Variants in TAFA1 observed in about 807,000 individuals in gnomAD.
TAFA1 encodes the protein TAFA chemokine like family member 1.
A neutral mutation model predicts 18.5 loss-of-function variants in TAFA1; 4 were observed. That is an observed-to-expected ratio of 0.22 (90% CI 0.11 to 0.49). The LOEUF (loss-of-function observed/expected upper bound fraction) is 0.49, where lower values mean the gene tolerates loss of function less well. TAFA1 is among the 20% of genes least tolerant of loss of function. TAFA1 has a pLI of 0.98. For missense variants in TAFA1, 147 were observed against 169.0 expected (o/e 0.87, Z 0.72); for synonymous variants, 56 against 55.2 (o/e 1.01, Z -0.06).
chr3:68,138,776 A>T (rs529110356), intron 2 of TAFA1, among the ~76,000 whole-genome samples: 1 of 152,344 alleles, frequency 6.6e-6, no homozygotes, highest in South Asian at 2.1e-4. Context: ...TGTATTCAGT[A>T]ATACTGGAAG....
chr3:68,452,622 C>A (rs1404939849), intron 3 of TAFA1, among the ~76,000 whole-genome samples: 1 of 151,528 alleles, frequency 6.6e-6, no homozygotes, highest in Non-Finnish European at 1.5e-5. Flanking sequence ...TTGTGTCAAG[C>A]AGCCATGTGA....
chr3:68,534,797 T>C (rs1269888838), intron 3 of TAFA1, among the ~76,000 whole-genome samples: 3 of 152,072 alleles, frequency 2.0e-5, no homozygotes, highest in Non-Finnish European at 2.9e-5. Flanking sequence ...GGAAACTGCT[T>C]TGTTAACTTG....
chr3:68,008,432 G>A (rs1024065451), intron 2 of TAFA1, among the ~76,000 whole-genome samples: 7 of 152,222 alleles, frequency 4.6e-5, no homozygotes, highest in African/African-American at 1.7e-4. Flanking sequence ...ACTACTACGT[G>A]TATGTTTTAG....
At chr3:68,386,563 C>T (rs1010783956) in intron 2 of TAFA1, among the ~76,000 whole-genome samples, 7 of 152,070 alleles carry the variant, frequency 4.6e-5, no homozygotes, top group Admixed American at 1.3e-4. Context: ...AGGAGACTGG[C>T]CTAGCTACAG....
chr3:68,322,783 A>G (rs1407450435), intron 2 of TAFA1, among the ~76,000 whole-genome samples: 1 of 152,104 alleles, frequency 6.6e-6, no homozygotes, highest in Non-Finnish European at 1.5e-5. Flanking sequence ...TTTCTACTAA[A>G]AATACAAAAA....
intron 2 of TAFA1, among the ~76,000 whole-genome samples, chr3:68,112,033 T>C (rs1290641659): frequency 6.6e-6 from 1 of 152,060 alleles, no homozygotes; most frequent in African/African-American, 2.4e-5. Flanking sequence ...TTCAAGCACT[T>C]CTGTCCATTG....
chr3:68,165,958 G>A (rs1342659794), intron 2 of TAFA1, among the ~76,000 whole-genome samples: 2 of 152,174 alleles, frequency 1.3e-5, no homozygotes, highest in Non-Finnish European at 2.9e-5. Flanking sequence ...GACTGAGAAG[G>A]GAATAGTTCA....
intron 2 of TAFA1, among the ~76,000 whole-genome samples, chr3:68,036,910 C>G (rs531058067): frequency 6.6e-6 from 1 of 152,188 alleles, no homozygotes; most frequent in African/African-American, 2.4e-5. Flanking sequence ...TTTGTACAAT[C>G]ATTCACTTAT....
At chr3:68,457,562 A>G (rs951831636) in intron 3 of TAFA1, among the ~76,000 whole-genome samples, 8 of 152,074 alleles carry the variant, frequency 5.3e-5, no homozygotes, top group Non-Finnish European at 1.2e-4. Flanking sequence ...ATCAACTACA[A>G]CATGTTGTTT....
At chr3:68,345,680 C>G (rs1328668297) in intron 2 of TAFA1, among the ~76,000 whole-genome samples, 3 of 152,104 alleles carry the variant, frequency 2.0e-5, no homozygotes, top group Admixed American at 2.0e-4. Context: ...TGGAAAACAC[C>G]TTACAGCTAG....
intron 2 of TAFA1, among the ~76,000 whole-genome samples, chr3:68,368,698 A>G (rs894940449): frequency 6.6e-5 from 10 of 152,178 alleles, no homozygotes; most frequent in Admixed American, 6.5e-4. Context: ...TTGCACAGGT[A>G]TATGTGGGAA....
chr3:68,216,343 C>T (rs1225164759), intron 2 of TAFA1, among the ~76,000 whole-genome samples: 2 of 151,918 alleles, frequency 1.3e-5, no homozygotes, highest in Non-Finnish European at 2.9e-5. Context: ...CAGGGGAATC[C>T]CAGATGAATG....
intron 2 of TAFA1, among the ~76,000 whole-genome samples, chr3:68,223,520 G>A (rs1034174240): frequency 3.1e-5 from 4 of 128,524 alleles, no homozygotes; most frequent in African/African-American, 1.1e-4. Context: ...ATGTACATAA[G>A]CCTGTTAGGA....
At chr3:68,159,001 T>A (rs1261563037) in intron 2 of TAFA1, among the ~76,000 whole-genome samples, 1 of 152,172 alleles carries the variant, frequency 6.6e-6, no homozygotes, top group Non-Finnish European at 1.5e-5. Context: ...GTTCATTCAA[T>A]CTGCAATTAC....
intron 2 of TAFA1, among the ~76,000 whole-genome samples, chr3:68,103,102 T>A (rs1230064608): frequency 6.6e-6 from 1 of 152,214 alleles, no homozygotes; most frequent in East Asian, 1.9e-4. Flanking sequence ...GATAAAGGGC[T>A]CTGGTGTCCA....
intron 2 of TAFA1, among the ~76,000 whole-genome samples, chr3:68,092,054 AAT>A (rs1403446979): frequency 6.6e-6 from 1 of 152,094 alleles, no homozygotes; most frequent in Non-Finnish European, 1.5e-5. Context: ...TTATCTCCCA[AAT>A]CACAAAACAT....
chr3:68,423,666 T>G (rs2071001863), intron 3 of TAFA1, among the ~76,000 whole-genome samples: 1 of 152,040 alleles, frequency 6.6e-6, no homozygotes, highest in South Asian at 2.1e-4. Context: ...TTTTATAGAA[T>G]GATTGAAGCT....
intron 2 of TAFA1, among the ~76,000 whole-genome samples, chr3:68,033,341 A>G (rs1010608176): frequency 6.6e-6 from 1 of 152,182 alleles, no homozygotes; most frequent in African/African-American, 2.4e-5. Flanking sequence ...AACACCTGAC[A>G]TATCTGGAAC....
At chr3:68,262,680 C>T (rs973038596) in intron 2 of TAFA1, among the ~76,000 whole-genome samples, 5 of 151,948 alleles carry the variant, frequency 3.3e-5, no homozygotes, top group African/African-American at 1.2e-4. Context: ...TCCAATTCAC[C>T]ACTGATGGGC....
Sources: gnomAD v4.1 joint callset for allele counts (sites outside exome capture counted in the v4.1 genomes callset) on GRCh38, gnomAD v4.1.1 for gene constraint, MANE v1.5 for transcripts, NCBI Gene and HGNC (gene_info 2026-07-23, HGNC 2026-07-21) for gene names.